The following SV2B variants were observed in gnomAD, a reference collection of about 807,000 sequenced individuals.
SV2B encodes synaptic vesicle glycoprotein 2B, also known as solute carrier family 22 member B2.
Under a neutral mutation model 73.9 loss-of-function variants are expected in SV2B, and 41 were observed. The observed-to-expected ratio is 0.56, with a 90% CI of 0.43 to 0.72. The LOEUF (loss-of-function observed/expected upper bound fraction) is 0.72, where lower values mean the gene tolerates loss of function less well. Among genes scored for constraint, SV2B ranks in the 30% least tolerant of loss-of-function variants. SV2B has a pLI of 0.00. For missense variants in SV2B, 764 were observed against 857.8 expected, an observed-to-expected ratio of 0.89 and a Z score of 1.37; for synonymous variants, 314 against 314.2, an observed-to-expected ratio of 1.00 and a Z score of 0.01.
chr15:91,259,858 T>C (rs866704694), intron 5 of SV2B, among the ~76,000 whole-genome samples: 2 of 152,174 alleles, frequency 1.3e-5, no homozygotes, highest in African/African-American at 4.8e-5. Context: ...GTAATCTTAA[T>C]TTAGCTAATT....
chr15:91,109,341 C>G (rs920746032), intron 1 of SV2B, among the ~76,000 whole-genome samples: 4 of 152,224 alleles, frequency 2.6e-5, no homozygotes, highest in African/African-American at 9.6e-5. Context: ...GTTGACTGTT[C>G]AAACTGGGAG....
chr15:91,127,236 T>G (rs1456435573), intron 1 of SV2B, among the ~76,000 whole-genome samples: 1 of 152,200 alleles, frequency 6.6e-6, no homozygotes. Flanking sequence ...TTCTTCCCTC[T>G]GGGATGCTTA....
chr15:91,101,529 G>A (rs1260682725), intron 1 of SV2B, among the ~76,000 whole-genome samples: 1 of 152,166 alleles, frequency 6.6e-6, no homozygotes, highest in Non-Finnish European at 1.5e-5. Context: ...GGTAGGGGGA[G>A]AAGCACTCGT....
intron 1 of SV2B, among the ~76,000 whole-genome samples, chr15:91,127,203 A>G (rs150007085): frequency 1.2e-3 from 190 of 152,328 alleles, no homozygotes; most frequent in African/African-American, 4.3e-3. Context: ...CGAGGTGGAT[A>G]TTCACAAAAT....
intron 1 of SV2B, among the ~76,000 whole-genome samples, chr15:91,152,243 C>T (rs2043337166): frequency 6.6e-6 from 1 of 151,974 alleles, no homozygotes; most frequent in Admixed American, 6.5e-5. Flanking sequence ...TTTGTTTTTT[C>T]CAGAACTTGT....
At position 91,118,058 on chromosome 15, in the gene SV2B, A is replaced by C. The variant is rs2042228293; in HGVS notation, c.-392+17695A>C. Among the ~76,000 whole-genome samples the C allele has an allele frequency of 6.6e-6, 1 of 152,208 alleles. No individual in the cohort carries two copies. The highest frequency in any genetic ancestry group is 1.5e-5 in the Non-Finnish European group (1 of 68,042). Reference sequence around the variant, plus strand: ...TGGGTCTATGTAAGTAGAGGGATTAAAAAAAGTGGGTAGAATTTTTGAAAT... The same window carrying C: ...TGGGTCTATGTAAGTAGAGGGATTACAAAAAGTGGGTAGAATTTTTGAAAT... On this transcript the variant is annotated intron_variant, in intron 1 of 12. Transcript: ENST00000394232. This position sits in a 1 kb window ranked among gnomAD's most constrained non-coding sequence, Gnocchi z 4.7.
Position 91,236,076 on chromosome 15 carries a change from G to T in SV2B, c.451+9362G>T, listed in dbSNP as rs559745560. ...CTCCCCTGATCCAACTGCAAAACCT[G>T]ATGTTTTAGCTTCTCAGTTGTTTCA... On this transcript the variant is annotated intron_variant, in intron 2 of 12. Coordinates refer to ENST00000394232, the MANE Select transcript of SV2B (RefSeq NM_001323032.3). This position sits in a 1 kb window ranked among gnomAD's most constrained non-coding sequence, Gnocchi z 4.1. Among the ~76,000 whole-genome samples the T allele has an allele frequency of 9.8e-5, 15 of 152,338 alleles. 1 individual carries two copies. The South Asian group carries it at 3.1e-3, about 32-fold the overall frequency.
intron 1 of SV2B, among the ~76,000 whole-genome samples, chr15:91,131,792 G>A (rs775432124): frequency 4.6e-5 from 7 of 152,134 alleles, no homozygotes; most frequent in Non-Finnish European, 8.8e-5. Context: ...GTGAAACCCC[G>A]TCTCTACTAA....
chr15:91,268,221 A>T lies in SV2B; in HGVS notation c.1209-220A>T, dbSNP rs2048172109. On this transcript the variant is annotated intron_variant, in intron 8 of 12. Coordinates refer to ENST00000394232, the MANE Select transcript of SV2B (RefSeq NM_001323032.3). The surrounding 1 kb of genome is among the most constrained non-coding windows in gnomAD (Gnocchi z 4.4). ...CTATTGGTGTTTGTATCAGGAAAAC[A>T]TTTCTTTTAAATCAAATGCCTTTTC... Among the ~76,000 whole-genome samples the T allele has an allele frequency of 6.6e-6, 1 of 152,210 alleles. No individual in the cohort carries two copies. The highest frequency in any genetic ancestry group is 1.5e-5 in the Non-Finnish European group (1 of 68,030).
At chr15:91,260,669 A>G (rs867356582) in intron 6 of SV2B, among the ~76,000 whole-genome samples, 4 of 152,096 alleles carry the variant, frequency 2.6e-5, no homozygotes, top group Non-Finnish European at 5.9e-5. Flanking sequence ...GGAAGGCTGT[A>G]TTAGTCCATT....
At chr15:91,270,286 G>A (rs1354344874) in intron 9 of SV2B, among the ~76,000 whole-genome samples, 1 of 152,172 alleles carries the variant, frequency 6.6e-6, no homozygotes, top group Non-Finnish European at 1.5e-5. Context: ...CACTGTAGCA[G>A]GCAATGTTAA....
chr15:91,278,207 A>T (rs1360244245), intron 9 of SV2B, among the ~76,000 whole-genome samples: 1 of 152,200 alleles, frequency 6.6e-6, no homozygotes, highest in East Asian at 1.9e-4. Context: ...TTATGGAACC[A>T]TGCTAGAGCT....
chr15:91,109,463 T>C (rs552131641), intron 1 of SV2B, among the ~76,000 whole-genome samples: 4 of 152,200 alleles, frequency 2.6e-5, no homozygotes, highest in Non-Finnish European at 5.9e-5. Flanking sequence ...ACAATTCTGT[T>C]TTCATGATCA....
chr15:91,125,780 G>GAAAAAAAAAAAAAAAAAAA (rs2042459772), intron 1 of SV2B, among the ~76,000 whole-genome samples: 1 of 40,554 alleles, frequency 2.5e-5, no homozygotes, highest in Non-Finnish European at 6.8e-5. Flanking sequence ...GTCTCAAGGG[G>GAAAAAAAAAAAAAAAAAAA]CAAAAAAAAA....
Position 91,227,291 on chromosome 15 carries a change from C to A in SV2B, c.451+577C>A, listed in dbSNP as rs192989881. Among the ~76,000 whole-genome samples the A allele has an allele frequency of 4.6e-4, 70 of 152,276 alleles. No individual in the cohort carries two copies. Among genetic ancestry groups the A allele is most frequent in the African/African-American group, 1.6e-3 (66 of 41,556 alleles). ...CTGTTGGGAACCATGCTGTGAAGCA[C>A]AGATGGATTCTGCAGGATAGAGGAC... On this transcript the variant is annotated intron_variant, in intron 2 of 12. Transcript: ENST00000394232. This position sits in a 1 kb window ranked among gnomAD's most constrained non-coding sequence, Gnocchi z 4.5.
chr15:91,266,260 C>T (rs1043569214), intron 6 of SV2B, among the ~76,000 whole-genome samples: 5 of 152,168 alleles, frequency 3.3e-5, no homozygotes, highest in Non-Finnish European at 7.3e-5. Context: ...ATGATGAGTC[C>T]GTTGTCCACT....
intron 1 of SV2B, among the ~76,000 whole-genome samples, chr15:91,144,016 G>T (rs1280982860): frequency 6.6e-6 from 1 of 152,116 alleles, no homozygotes; most frequent in Non-Finnish European, 1.5e-5. Context: ...ACATGATTCT[G>T]TTTCATTCTT....
intron 1 of SV2B, among the ~76,000 whole-genome samples, chr15:91,189,140 G>T (rs2044900135): frequency 6.6e-6 from 1 of 151,564 alleles, no homozygotes; most frequent in African/African-American, 2.4e-5. Context: ...TTCTACCTCA[G>T]TTTTTTTTCT....
At position 91,141,377 on chromosome 15, in the gene SV2B, G is replaced by A. The variant is rs2042991812; in HGVS notation, c.-392+41014G>A. On this transcript the variant is annotated intron_variant, in intron 1 of 12. Transcript: ENST00000394232. This position sits in a 1 kb window ranked among gnomAD's most constrained non-coding sequence, Gnocchi z 4.6. ...TTGCTCTTCTTCAGGAAGACTTGGA[G>A]TTTTCAGGAGCATCTTAGTAGTTTA... Among the ~76,000 whole-genome samples the A allele has an allele frequency of 6.6e-6, 1 of 152,180 alleles. No individual in the cohort carries two copies. The highest frequency in any genetic ancestry group is 2.1e-4 in the South Asian group (1 of 4,830).
Sources: gnomAD v4.1 joint callset for allele counts (sites outside exome capture counted in the v4.1 genomes callset) on GRCh38, gnomAD v4.1.1 for gene constraint, Gnocchi (gnomAD v3.1) non-coding constraint, MANE v1.5 for transcripts, NCBI Gene and HGNC (gene_info 2026-07-23, HGNC 2026-07-21) for gene names.